GRIP1: variants seen among roughly 807,000 people sequenced by gnomAD.
GRIP1 encodes the protein glutamate receptor interacting protein 1.
In GRIP1, 45 loss-of-function variants were observed where a neutral mutation model predicts 129.9. That is an observed-to-expected ratio of 0.35 (90% CI 0.27 to 0.44). The LOEUF is 0.44. Ranked by LOEUF, GRIP1 falls within the 20% of genes least tolerant of loss-of-function variation. The probability of loss-of-function intolerance (pLI) is 1.00; values close to 1 mark genes in which losing one functional copy is unlikely to be tolerated. For missense variants in GRIP1, 1,196 were observed against 1,396.8 expected (o/e 0.86, Z 2.29); for synonymous variants, 530 against 520.8 (o/e 1.02, Z -0.24).
intron 1 of GRIP1, among the ~76,000 whole-genome samples, chr12:66,888,225 T>C (rs2040598432): frequency 9.8e-6 from 1 of 102,330 alleles, no homozygotes; most frequent in Non-Finnish European, 1.9e-5. Flanking sequence ...CCAGCTAATT[T>C]TTTTTCATTT....
intron 1 of GRIP1, among the ~76,000 whole-genome samples, chr12:66,627,128 G>C (rs1276726405): frequency 6.6e-6 from 1 of 152,094 alleles, no homozygotes; most frequent in Non-Finnish European, 1.5e-5. Flanking sequence ...CATCAGTCAA[G>C]GTAGCTCACA....
At chr12:66,935,810 A>G (rs186606932) in intron 1 of GRIP1, among the ~76,000 whole-genome samples, 1 of 152,348 alleles carries the variant, frequency 6.6e-6, no homozygotes, top group African/African-American at 2.4e-5. Flanking sequence ...CACAGTTTAA[A>G]TATTCAGCAG....
At chr12:66,621,936 A>G (rs7300749) in intron 1 of GRIP1, among the ~76,000 whole-genome samples, 79,316 of 151,764 alleles carry the variant, frequency 0.52, 21,277 homozygotes, top group Non-Finnish European at 0.59. Context: ...TCTTTGAGTT[A>G]GGTTGTTTGT....
intron 1 of GRIP1, among the ~76,000 whole-genome samples, chr12:66,960,992 C>A (rs1466116973): frequency 6.6e-6 from 1 of 152,044 alleles, no homozygotes; most frequent in East Asian, 1.9e-4. Flanking sequence ...GAAAAGTGAT[C>A]AAGGTTGGAG....
intron 11 of GRIP1, among the ~76,000 whole-genome samples, chr12:66,447,407 T>C (rs1435133584): frequency 6.6e-6 from 1 of 152,216 alleles, no homozygotes; most frequent in Non-Finnish European, 1.5e-5. Flanking sequence ...TTGTGTGATA[T>C]TTTGACACCT....
intron 1 of GRIP1, among the ~76,000 whole-genome samples, chr12:66,799,121 C>T (rs1325024148): frequency 6.6e-6 from 1 of 152,086 alleles, no homozygotes; most frequent in Non-Finnish European, 1.5e-5. Flanking sequence ...TAAAAATATA[C>T]TCAGGTTGAC....
intron 1 of GRIP1, among the ~76,000 whole-genome samples, chr12:67,066,006 T>C (rs905908370): frequency 1.3e-5 from 2 of 152,198 alleles, no homozygotes; most frequent in Non-Finnish European, 2.9e-5. Flanking sequence ...TCAGGGGTAG[T>C]GGGTAGGATG....
chr12:66,371,718 A>C lies in GRIP1; in HGVS notation c.2988T>G (p.Ser996=). ...KMKQEIKEIM[S]PTPVELHKVT... ...CCTTGTGCAGCTCCACAGGAGTTGG[A>C]GACATGATCTCCTTTATTTCTTGTT... is the stretch of plus-strand genomic sequence containing the variant. The change falls in exon 23 of 25, where the codon TCT becomes TCG. Residue 996 remains serine (S), a synonymous_variant. Transcript: ENST00000359742. 6.2e-7 allele frequency: 1 copy of C among 1,612,116 alleles called. No individual in the cohort carries two copies. The highest frequency in any genetic ancestry group is 1.7e-5 in the Admixed American group (1 of 60,004).
chr12:66,824,595 G>A (rs997987333), intron 1 of GRIP1, among the ~76,000 whole-genome samples: 3 of 152,120 alleles, frequency 2.0e-5, no homozygotes, highest in Non-Finnish European at 4.4e-5. Context: ...CCTTCAATGT[G>A]TCTATTGATG....
intron 1 of GRIP1, among the ~76,000 whole-genome samples, chr12:67,012,334 A>C (rs1326820659): frequency 6.6e-6 from 1 of 152,154 alleles, no homozygotes; most frequent in East Asian, 1.9e-4. Context: ...ATTAGAACTG[A>C]CCAAAAATAT....
intron 1 of GRIP1, among the ~76,000 whole-genome samples, chr12:66,819,466 A>G (rs1254179196): frequency 6.6e-6 from 1 of 152,216 alleles, no homozygotes; most frequent in Non-Finnish European, 1.5e-5. Context: ...CATGAATTAA[A>G]CCATTGCCTA....
intron 1 of GRIP1, among the ~76,000 whole-genome samples, chr12:66,724,854 C>T (rs552746825): frequency 6.6e-6 from 1 of 152,300 alleles, no homozygotes; most frequent in South Asian, 2.1e-4. Flanking sequence ...CATGCTAGCT[C>T]GATGAGCAGG....
At chr12:66,365,970 G>T (rs1248309894) in intron 23 of GRIP1, among the ~76,000 whole-genome samples, 2 of 152,210 alleles carry the variant, frequency 1.3e-5, no homozygotes, top group African/African-American at 4.8e-5. Context: ...GAAGTGGCAT[G>T]GCTAATGCAT....
At chr12:66,436,785 C>A (rs2058318776) in intron 13 of GRIP1, among the ~76,000 whole-genome samples, 1 of 151,926 alleles carries the variant, frequency 6.6e-6, no homozygotes, top group Admixed American at 6.6e-5. Context: ...GAGTTTGAGA[C>A]CAGCCTGGCC....
intron 1 of GRIP1, among the ~76,000 whole-genome samples, chr12:66,939,991 ATAATT>A (rs1252408516): frequency 6.6e-6 from 1 of 152,222 alleles, no homozygotes; most frequent in African/African-American, 2.4e-5. Context: ...AAAATACAAT[ATAATT>A]TATTTAGTAT....
intron 1 of GRIP1, among the ~76,000 whole-genome samples, chr12:66,813,483 C>A (rs1216612264): frequency 6.6e-6 from 1 of 152,092 alleles, no homozygotes; most frequent in East Asian, 1.9e-4. Flanking sequence ...AATACATCAT[C>A]AAAGTAATTT....
At chr12:66,442,917 G>A (rs1244151551) in intron 13 of GRIP1, among the ~76,000 whole-genome samples, 1 of 152,144 alleles carries the variant, frequency 6.6e-6, no homozygotes, top group African/African-American at 2.4e-5. Context: ...AAAAATATAA[G>A]CTTTTTTTAC....
chr12:66,877,061 T>C (rs1156437812), intron 1 of GRIP1, among the ~76,000 whole-genome samples: 1 of 152,092 alleles, frequency 6.6e-6, no homozygotes, highest in African/African-American at 2.4e-5. Flanking sequence ...GTGAGCTTGC[T>C]TCATTTGGAA....
intron 2 of GRIP1, among the ~76,000 whole-genome samples, chr12:66,578,691 A>G (rs1265170312): frequency 1.3e-5 from 2 of 152,308 alleles, no homozygotes; most frequent in African/African-American, 4.8e-5. Flanking sequence ...GCAAGGTGGC[A>G]GCGAGGCTGG....
Sources: allele counts gnomAD v4.1 joint callset (sites outside exome capture counted in the v4.1 genomes callset), GRCh38; gene constraint gnomAD v4.1.1; transcripts MANE v1.5; gene names NCBI Gene and HGNC (gene_info 2026-07-23, HGNC 2026-07-21).